Variants in TNXB observed in about 807,000 individuals in gnomAD.
TNXB encodes tenascin-X.
In TNXB, 183 loss-of-function variants were observed where a neutral mutation model predicts 340.5. The ratio of observed to expected loss-of-function variants is 0.54; its 90% CI spans 0.48 to 0.61. The LOEUF (loss-of-function observed/expected upper bound fraction) is 0.61. Ranked by LOEUF, TNXB falls within the 20% of genes least tolerant of loss-of-function variation. The pLI, the probability that TNXB is intolerant of heterozygous loss-of-function variation, is 0.00. For synonymous variants in TNXB, 2,121 were observed against 2,314.5 expected (o/e 0.92, Z 2.40); for missense variants, 4,613 against 5,446.4 (o/e 0.85, Z 4.82).
intron 1 of TNXB, among the ~76,000 whole-genome samples, chr6:32,100,815 T>G (rs568413310): frequency 1.8e-4 from 27 of 151,860 alleles, no homozygotes; most frequent in African/African-American, 6.5e-4. Context: ...GGTGTGGTGG[T>G]TCACACCTGA....
At position 32,097,724 on chromosome 6, in the gene TNXB, C is replaced by G; in HGVS notation, c.403+72G>C. 6.8e-7 allele frequency: 1 copy of G among 1,459,976 alleles called. No individual in the cohort carries two copies. The highest frequency in any genetic ancestry group is 9.1e-7 in the Non-Finnish European group (1 of 1,098,696). The allele number at this position is 1,459,976 out of a possible 1,614,324, so 90.4% of individuals were successfully genotyped here. A position where few individuals can be genotyped will look rare whatever the true frequency, so the allele number is the denominator to read the frequency against. ...AGGAGTGCCTTCTTCTAATTCATAC[C>G]AAGGACCTTTATGGACTAGCAATGC... On this transcript the variant is annotated intron_variant, in intron 2 of 43. Transcript: ENST00000644971. This position sits in a 1 kb window ranked among gnomAD's most constrained non-coding sequence, Gnocchi z 5.9.
Position 32,069,744 on chromosome 6 carries a change from G to C in TNXB, c.5396C>G (p.Pro1799Arg), listed in dbSNP as rs761593259. ...QNSVGLSWTVPEGQFDSFVVQ... is the reference protein window; with the variant it reads ...QNSVGLSWTVREGQFDSFVVQ... ...CACAAAGGAGTCAAACTGGCCCTCA[G>C]GGACTGTCCAGGAGAGGCCCACGGA... Residue 1799 changes from proline (P) to arginine (R), a missense_variant, in exon 15 of 44, where the codon CCT becomes CGT. By Grantham distance (103) the Pro-to-Arg change is moderately radical. This residue lies in a region of TNXB where 4,327 missense variants were observed against 4,859.4 expected (regional missense o/e 0.89). Transcript: ENST00000644971. The surrounding 1 kb of genome is among the most constrained non-coding windows in gnomAD (Gnocchi z 6.2). 6.2e-7 allele frequency: 1 copy of C among 1,613,102 alleles called. No homozygotes were observed. The highest frequency in any genetic ancestry group is 8.5e-7 in the Non-Finnish European group (1 of 1,179,604).
chr6:32,049,873 G>C lies in TNXB; in HGVS notation c.9439+125C>G. The stretch of plus-strand genomic sequence containing the variant: ...ATAGGAAGGCCCAAGGGGAGTCCCA[G>C]CCCCAGCCACAAGCAGTTCTGTGGT... On this transcript the variant is annotated intron_variant, in intron 27 of 43. Coordinates refer to ENST00000644971, the MANE Select transcript of TNXB (RefSeq NM_001365276.2). This position sits in a 1 kb window ranked among gnomAD's most constrained non-coding sequence, Gnocchi z 4.5. The C allele has an allele frequency of 6.8e-7, 1 of 1,467,332 alleles. No individual in the cohort carries two copies. The highest frequency in any genetic ancestry group is 9.3e-7 in the Non-Finnish European group (1 of 1,077,348). 90.9% of individuals were successfully genotyped at this position (1,467,332 alleles called of 1,614,324 possible).
chr6:32,046,479 GCT>G lies in TNXB; in HGVS notation c.10325-25_10325-24del. 1 of 1,538,298 alleles carries G rather than the reference GCT, an allele frequency of 6.5e-7. No individual in the cohort carries two copies. Among genetic ancestry groups the G allele is most frequent in the South Asian group, 1.2e-5 (1 of 80,368 alleles). On this transcript the variant is annotated intron_variant, in intron 30 of 43. Transcript: ENST00000644971. This position sits in a 1 kb window ranked among gnomAD's most constrained non-coding sequence, Gnocchi z 6.9. The stretch of plus-strand genomic sequence containing the variant: ...GAGCTGTGCAGAGGGAGGAGGGAAA[GCT>G]CTTAGTCACATGCTGCCTTTGCCTA...
chr6:32,059,185 G>A (rs1239630875), intron 21 of TNXB, among the ~76,000 whole-genome samples: 2 of 151,708 alleles, frequency 1.3e-5, no homozygotes, highest in African/African-American at 2.4e-5. Context: ...TTGGGAGGCC[G>A]AGGCGGGTGG....
chr6:32,097,845 C>A lies in TNXB; in HGVS notation c.354G>T (p.Lys118Asn). The A allele has an allele frequency of 6.5e-7, 1 of 1,532,886 alleles. No homozygotes were observed. The highest frequency in any genetic ancestry group is 8.8e-7 in the Non-Finnish European group (1 of 1,134,780). 95.0% of individuals were successfully genotyped at this position (1,532,886 alleles called of 1,614,324 possible). A position where few individuals can be genotyped will look rare whatever the true frequency, so the allele number is the denominator to read the frequency against. Residue 118 changes from lysine to asparagine, a missense_variant, in exon 2 of 44, where the codon AAG (lysine) becomes AAT (asparagine). By Grantham distance (94) the Lys-to-Asn change is moderately conservative. Around this residue, in one of 7 missense-constraint regions of TNXB, gnomAD observed 4,327 missense variants for 4,859.4 expected, o/e 0.89. Coordinates refer to ENST00000644971, the MANE Select transcript of TNXB (RefSeq NM_001365276.2). The surrounding 1 kb of genome is among the most constrained non-coding windows in gnomAD (Gnocchi z 5.9). ...EILEELVKGL[K>N]EQCTGGCCPA... Reference sequence around the variant, plus strand: ...GACAACATCCCCCAGTGCACTGTTCCTTGAGCCCCTTCACCAACTCCTCCA... The same window carrying A: ...GACAACATCCCCCAGTGCACTGTTCATTGAGCCCCTTCACCAACTCCTCCA...
rs1007430668 is a variant in TNXB, at chr6:32,062,748, T to C, written c.6842-265A>G. On this transcript the variant is annotated intron_variant, in intron 19 of 43. Coordinates refer to ENST00000644971, the MANE Select transcript of TNXB (RefSeq NM_001365276.2). The surrounding 1 kb of genome is among the most constrained non-coding windows in gnomAD (Gnocchi z 4.3). ...GCAAATTTGTTTTGCAGGACAGAAT[T>C]GATGCTTTATAAGAACACCAACCAG... 1.3e-5 allele frequency among the ~76,000 whole-genome samples: 2 copies of C among 152,200 alleles called. No individual in the cohort carries two copies. The highest frequency in any genetic ancestry group is 6.5e-5 in the Admixed American group (1 of 15,290).
At chr6:32,060,951 T>C (rs1777969647) in intron 21 of TNXB, among the ~76,000 whole-genome samples, 1 of 152,012 alleles carries the variant, frequency 6.6e-6, no homozygotes. Context: ...GGCTCTCTTT[T>C]TTCAATGTAA....
chr6:32,052,524 CA>C lies in TNXB; in HGVS notation c.9115+145del, dbSNP rs1263689743. 1 of 1,158,290 alleles carries C rather than the reference CA, an allele frequency of 8.6e-7. No individual in the cohort carries two copies. The highest frequency in any genetic ancestry group is 1.7e-5 in the South Asian group (1 of 60,572). The allele number at this position is 1,158,290 out of a possible 1,614,324, so 71.8% of individuals were successfully genotyped here. On this transcript the variant is annotated intron_variant, in intron 26 of 43. Coordinates refer to ENST00000644971, the MANE Select transcript of TNXB (RefSeq NM_001365276.2). The surrounding 1 kb of genome is among the most constrained non-coding windows in gnomAD (Gnocchi z 4.7). Reference sequence around the variant, plus strand: ...TGCCCTAGGCCAAGCCTGCTGAATCCAAATCTGCTTTTTAACAAAAATCTCC... The same window carrying C: ...TGCCCTAGGCCAAGCCTGCTGAATCCAATCTGCTTTTTAACAAAAATCTCC...
rs370939455 is a variant in TNXB at position 32,042,428 on chromosome 6, A to G, written c.12210+27T>C. On this transcript the variant is annotated intron_variant, in intron 40 of 43. Transcript: ENST00000644971. Reference sequence around the variant, plus strand: ...GGGCAACAGACCCTGCCCTGCACAGACCCCTGGGCTTCCCAATGCCACCCA... The same window carrying G: ...GGGCAACAGACCCTGCCCTGCACAGGCCCCTGGGCTTCCCAATGCCACCCA... 67 of 1,608,744 alleles carry G rather than the reference A, an allele frequency of 4.2e-5. 1 individual carries two copies. The African/African-American group carries it at 8.5e-4, about 20-fold the overall frequency.
rs2127292588 is a variant in TNXB at position 32,096,992 on chromosome 6, CCT to C, written c.859_860del (p.Arg287GlyfsTer4). On this transcript the variant is annotated frameshift_variant, in exon 3 of 44. Transcript: ENST00000644971. LOFTEE classifies it high-confidence loss of function. Reference sequence around the variant, plus strand: ...CGCAGCGCCCATTCTCACAGCGCCCCCTCTGACTGCAACCGCGAGGGCAGCTC... The same window carrying C: ...CGCAGCGCCCATTCTCACAGCGCCCCCTGACTGCAACCGCGAGGGCAGCTC... ...MRSCPRGCSQ[R>X]GRCENGRCVC... 3 of 1,613,048 alleles carry C rather than the reference CCT, an allele frequency of 1.9e-6. No homozygotes were observed. Among genetic ancestry groups the C allele is most frequent in the South Asian group, 1.1e-5 (1 of 90,966 alleles).
In TNXB at chr6:32,097,652, T is replaced by C. The variant is rs958822340; in HGVS notation, c.403+144A>G. The C allele has an allele frequency of 1.0e-4, 119 of 1,144,500 alleles. No individual in the cohort carries two copies. The African/African-American group carries it at 1.6e-3, about 15-fold the overall frequency. The allele number at this position is 1,144,500 out of a possible 1,614,324, so 70.9% of individuals were successfully genotyped here. On this transcript the variant is annotated intron_variant, in intron 2 of 43. Transcript: ENST00000644971. The surrounding 1 kb of genome is among the most constrained non-coding windows in gnomAD (Gnocchi z 5.9). ...TGGTTGACATGTAGCCCAGCTCTGC[T>C]CTCCAAGTTGTGTTCTGGGCTGCAT...
rs775619941 is a variant in TNXB at position 32,085,981 on chromosome 6, C to T, written c.2917G>A (p.Glu973Lys). ...CAGACCACACGGAGGCGCCCTGTCT[C>T]ATCTCTGCCCAGCACCCTCAACTCT... The part of the protein sequence containing the change: ...LGELRVLGRD[E>K]TGRLRVVWTA... The change falls in exon 7 of 44, where the codon GAG becomes AAG. Residue 973 changes from glutamate (E) to lysine (K), a missense_variant. Around this residue, in one of 7 missense-constraint regions of TNXB, gnomAD observed 4,327 missense variants for 4,859.4 expected, o/e 0.89. Transcript: ENST00000644971. This position sits in a 1 kb window ranked among gnomAD's most constrained non-coding sequence, Gnocchi z 6.4. The T allele has an allele frequency of 5.6e-6, 9 of 1,607,792 alleles. No individual in the cohort carries two copies. The highest frequency in any genetic ancestry group is 1.1e-5 in the South Asian group (1 of 90,046).
chr6:32,088,984 C>A lies in TNXB; in HGVS notation c.2580G>T (p.Trp860Cys). The A allele has an allele frequency of 1.2e-6, 2 of 1,611,240 alleles. No homozygotes were observed. Among genetic ancestry groups the A allele is most frequent in the Non-Finnish European group, 1.7e-6 (2 of 1,178,910 alleles). The change falls in exon 6 of 44, where the codon TGG becomes TGT. Residue 860 changes from tryptophan to cysteine, a missense_variant. Around this residue, in one of 7 missense-constraint regions of TNXB, gnomAD observed 4,327 missense variants for 4,859.4 expected, o/e 0.89. Coordinates refer to ENST00000644971, the MANE Select transcript of TNXB (RefSeq NM_001365276.2). ...GGTCCACCTCAGCCTGGGGACGCAG[C>A]CAGCCAAGCTCCAGTGTTGTCGGTG... ...AVTPTTLELGWLRPQAEVDRF... is the reference protein window; with the variant it reads ...AVTPTTLELGCLRPQAEVDRF...
chr6:32,090,902 A>C lies in TNXB; in HGVS notation c.2359-1523T>G, dbSNP rs914462420. 6.6e-6 allele frequency among the ~76,000 whole-genome samples: 1 copy of C among 152,018 alleles called. No individual in the cohort carries two copies. Among genetic ancestry groups the C allele is most frequent in the Non-Finnish European group, 1.5e-5 (1 of 67,988 alleles). On this transcript the variant is annotated intron_variant, in intron 4 of 43. Coordinates refer to ENST00000644971, the MANE Select transcript of TNXB (RefSeq NM_001365276.2). The surrounding 1 kb of genome is among the most constrained non-coding windows in gnomAD (Gnocchi z 4.3). ...ACACCCACCCCATCCCCACAGCCGC[A>C]ATACACACACCTTGGATGCTCCCTG... is the stretch of plus-strand genomic sequence containing the variant.
rs142628244 is a variant in TNXB, at chr6:32,052,580, C to T, written c.9115+90G>A. 166 of 1,515,022 alleles carry T rather than the reference C, an allele frequency of 1.1e-4. No individual in the cohort carries two copies. The African/African-American group carries it at 2.2e-3, about 20-fold the overall frequency. 93.8% of individuals were successfully genotyped at this position (1,515,022 alleles called of 1,614,324 possible). On this transcript the variant is annotated intron_variant, in intron 26 of 43. Coordinates refer to ENST00000644971, the MANE Select transcript of TNXB (RefSeq NM_001365276.2). The surrounding 1 kb of genome is among the most constrained non-coding windows in gnomAD (Gnocchi z 4.7). ...ATTTGGATACACAAAGGAAGGAATA[C>T]TCTTCAGAGTATGTTTTCACGAAGA...
intron 22 of TNXB, among the ~76,000 whole-genome samples, chr6:32,057,558 C>T (rs188775191): frequency 3.3e-4 from 50 of 152,316 alleles, no homozygotes; most frequent in Admixed American, 3.1e-3. Flanking sequence ...ACCTGGGCAA[C>T]CACATCCTCA....
rs1305846327 is a variant in TNXB at position 32,069,920 on chromosome 6, C to T, written c.5279-59G>A. On this transcript the variant is annotated intron_variant, in intron 14 of 43. Coordinates refer to ENST00000644971, the MANE Select transcript of TNXB (RefSeq NM_001365276.2). The surrounding 1 kb of genome is among the most constrained non-coding windows in gnomAD (Gnocchi z 6.2). ...CTGTTTCTGGAAGACTGGGTGACCT[C>T]GACGGGCAGGATTGAGAGGTCTGGA... is the stretch of plus-strand genomic sequence containing the variant. The T allele has an allele frequency of 1.2e-5, 18 of 1,497,916 alleles. No individual in the cohort carries two copies. The highest frequency in any genetic ancestry group is 2.8e-5 in the African/African-American group (2 of 71,922). The allele number at this position is 1,497,916 out of a possible 1,614,324, so 92.8% of individuals were successfully genotyped here. A position where few individuals can be genotyped will look rare whatever the true frequency, so the allele number is the denominator to read the frequency against.
chr6:32,066,287 G>A (rs1244093982), intron 18 of TNXB, among the ~76,000 whole-genome samples: 1 of 152,090 alleles, frequency 6.6e-6, no homozygotes. Flanking sequence ...CCAGCTACCT[G>A]GGGGGCTGAG....
Sources: allele counts gnomAD v4.1 joint callset (sites outside exome capture counted in the v4.1 genomes callset), GRCh38; gene constraint gnomAD v4.1.1; regional missense constraint gnomAD v4.1.1; non-coding constraint Gnocchi (gnomAD v3.1); transcripts MANE v1.5; gene names NCBI Gene and HGNC (gene_info 2026-07-23, HGNC 2026-07-21).